The following PARP2 variants were observed in gnomAD, a reference collection of about 807,000 sequenced individuals.
PARP2 encodes the protein poly(ADP-ribose) polymerase 2.
PARP2 carries 57 observed loss-of-function variants against 77.8 expected under a neutral mutation model. The observed-to-expected ratio is 0.73, with a 90% CI of 0.59 to 0.91. The LOEUF (loss-of-function observed/expected upper bound fraction) is 0.91. PARP2 is among the 40% of genes least tolerant of loss of function. The pLI is 0.00. For missense variants in PARP2, 651 were observed against 689.0 expected (o/e 0.94, Z 0.62); for synonymous variants, 226 against 242.6 (o/e 0.93, Z 0.64).
chr14:20,355,725 C>A, intron 9 of PARP2, 27 bp from the exon 10 acceptor site: 1 of 1,590,008 alleles, frequency 6.3e-7, no homozygotes, highest in South Asian at 1.1e-5. Context: ...TCAGAAAGCT[C>A]ATTATGGGTT....
intron 4 of PARP2, among the ~76,000 whole-genome samples, chr14:20,347,346 A>ATGTGTGTGTGTG (rs200507197): frequency 1.6e-5 from 1 of 62,150 alleles, no homozygotes; most frequent in Non-Finnish European, 2.5e-5. Flanking sequence ...AGTCCTTCAT[A>ATGTGTGTGTGTG]TGTGTGTGTG....
intron 7 of PARP2, 107 bp downstream of exon 7, chr14:20,352,454 T>C: frequency 1.6e-6 from 1 of 638,718 alleles, no homozygotes; most frequent in Non-Finnish European, 2.7e-6. Context: ...CAATCATGGC[T>C]CACTGCAGCC....
intron 11 of PARP2, 51 bp from the exon 12 acceptor site, chr14:20,356,256 G>A: frequency 6.2e-7 from 1 of 1,600,094 alleles, no homozygotes; most frequent in Non-Finnish European, 8.5e-7. Flanking sequence ...CTTCAGTTCA[G>A]CTCAGTCTCT....
At chr14:20,346,701 A>C in intron 3 of PARP2, 162 bp from the exon 4 acceptor site, 1 of 582,596 alleles carries the variant, frequency 1.7e-6, no homozygotes, top group Non-Finnish European at 3.1e-6. Flanking sequence ...GGTTACACCC[A>C]GGTTACTGGT....
chr14:20,345,025 CG>C lies in PARP2; in HGVS notation c.141del (p.Lys49ArgfsTer22), dbSNP rs2138912716. The C allele has an allele frequency of 1.9e-6, 3 of 1,613,636 alleles. No individual in the cohort carries two copies. In the East Asian group the frequency reaches 6.7e-5, roughly 36 times the overall value. On this transcript the variant is annotated frameshift_variant, in exon 2 of 16. Coordinates refer to ENST00000429687, the MANE Select transcript of PARP2 (RefSeq NM_001042618.2). LOFTEE classifies it high-confidence loss of function. ...ACTCGTAGATGCCAGAGACAGGAGT[CG>C]AAAAAGATGCCTGTGGCTGGAGGAA... ...KKTRRCQRQESKKMPVAGGKA... is the reference protein window; with the variant it reads ...KKTRRCQRQEXKKMPVAGGKA...
chr14:20,343,855 G>A (rs1243933382), intron 1 of PARP2, among the ~76,000 whole-genome samples, 168 bp downstream of exon 1: 1 of 152,230 alleles, frequency 6.6e-6, no homozygotes, highest in Non-Finnish European at 1.5e-5. Context: ...GAGCTTTGGG[G>A]ATTACATAAT....
At chr14:20,356,985 G>T in intron 13 of PARP2, 66 bp from the exon 14 acceptor site, 1 of 971,148 alleles carries the variant, frequency 1.0e-6, no homozygotes, top group Admixed American at 1.7e-5. Flanking sequence ...CAGGGTCAGT[G>T]GTATGCACCT....
chr14:20,351,116 A>G lies in PARP2; in HGVS notation c.491A>G (p.Gln164Arg), dbSNP rs560095950. 20 of 1,611,926 alleles carry G rather than the reference A, an allele frequency of 1.2e-5. No individual in the cohort carries two copies. The East Asian group carries it at 4.5e-4, about 36-fold the overall frequency. ...GNLNKAKEIFQKKFLDKTKNN... is the reference protein window; with the variant it reads ...GNLNKAKEIFRKKFLDKTKNN... The stretch of plus-strand genomic sequence containing the variant: ...CTCAACAAGGCCAAGGAAATCTTTC[A>G]GAAGAAGTGAGTGCTGAAAAGTGAC... Residue 164 changes from glutamine (Q) to arginine (R), a missense_variant, in exon 6 of 16, where the codon CAG (glutamine) becomes CGG (arginine). Transcript: ENST00000429687.
Position 20,344,125 on chromosome 14 carries a change from G to C in PARP2, c.46+438G>C, listed in dbSNP as rs577087995. 2.3e-5 allele frequency: 4 copies of C among 171,756 alleles called. No individual in the cohort carries two copies. In the South Asian group the frequency reaches 6.0e-4, roughly 26 times the overall value. 10.6% of individuals were successfully genotyped at this position (171,756 alleles called of 1,614,324 possible). A position where few individuals can be genotyped will look rare whatever the true frequency, so the allele number is the denominator to read the frequency against. Reference sequence around the variant, plus strand: ...TGTGTATAATGTTCTTAAATGCATAGGTGCACCCTATAAATTAGGTTCTAT... The same window carrying C: ...TGTGTATAATGTTCTTAAATGCATACGTGCACCCTATAAATTAGGTTCTAT... On this transcript the variant is annotated intron_variant, in intron 1 of 15. Coordinates refer to ENST00000429687, the MANE Select transcript of PARP2 (RefSeq NM_001042618.2).
intron 4 of PARP2, among the ~76,000 whole-genome samples, chr14:20,349,020 CA>C (rs1309918145): frequency 2.0e-4 from 27 of 136,260 alleles, no homozygotes; most frequent in East Asian, 8.7e-4. Context: ...AACTCCTTCT[CA>C]AAAAAAAAAA....
chr14:20,357,663 C>T lies in PARP2; in HGVS notation c.1579C>T (p.Pro527Ser). Residue 527 changes from proline to serine, a missense_variant, in exon 16 of 16, where the codon CCA becomes TCA. Pro to Ser is a moderately conservative substitution (Grantham distance 74, BLOSUM62 -1). Transcript: ENST00000429687. ...GAATGGGAGTACAGTGCCATTAGGA[C>T]CAGCAAGTGACACAGGAATTCTGAA... Reference protein sequence around the residue: ...TLNGSTVPLGPASDTGILNPD... With the variant: ...TLNGSTVPLGSASDTGILNPD... 6.2e-7 allele frequency: 1 copy of T among 1,613,622 alleles called. No individual in the cohort carries two copies. Among genetic ancestry groups the T allele is most frequent in the Non-Finnish European group, 8.5e-7 (1 of 1,179,824 alleles).
At chr14:20,349,756 A>G (rs1883892336) in intron 4 of PARP2, among the ~76,000 whole-genome samples, 1 of 151,894 alleles carries the variant, frequency 6.6e-6, no homozygotes, top group African/African-American at 2.4e-5. Flanking sequence ...AGGTCGTACA[A>G]TGGCTTTAGA....
At position 20,346,871 on chromosome 14, in the gene PARP2, G is replaced by A. The variant is rs201492941; in HGVS notation, c.282G>A (p.Val94=). The part of the protein sequence containing the change: ...ECTAKVGKAH[V]YCEGNDVYDV... Reference sequence around the variant, plus strand: ...TCTCTCTCCCTTTCTAGGCTCATGTGTATTGTGAAGGAAATGATGTCTATG... The same window carrying A: ...TCTCTCTCCCTTTCTAGGCTCATGTATATTGTGAAGGAAATGATGTCTATG... The change falls in exon 4 of 16, where the codon GTG becomes GTA. Residue 94 remains valine (V), a synonymous_variant. Coordinates refer to ENST00000429687, the MANE Select transcript of PARP2 (RefSeq NM_001042618.2). The A allele has an allele frequency of 3.5e-5, 56 of 1,603,002 alleles. No homozygotes were observed. The East Asian group carries it at 4.0e-4, about 12-fold the overall frequency.
At chr14:20,347,873 T>C (rs8010392) in intron 4 of PARP2, among the ~76,000 whole-genome samples, 6,349 of 98,588 alleles carry the variant, frequency 0.064, 185 homozygotes, top group Middle Eastern at 0.14. Flanking sequence ...TTTTGCACAT[T>C]TTTTTTTTTT....
At chr14:20,355,470 A>T in intron 9 of PARP2, 1 of 244,148 alleles carries the variant, frequency 4.1e-6, no homozygotes, top group Non-Finnish European at 7.8e-6. Context: ...TTCCCTGTTG[A>T]TATCAATATA....
chr14:20,352,558 C>CTTTTT, intron 7 of PARP2: 2 of 214,136 alleles, frequency 9.3e-6, no homozygotes, highest in African/African-American at 6.1e-5. Flanking sequence ...GATTTTTTTT[C>CTTTTT]TTTTTTTTTT....
intron 3 of PARP2, chr14:20,346,640 A>G: frequency 2.2e-6 from 1 of 444,814 alleles, no homozygotes; most frequent in Non-Finnish European, 4.1e-6. Context: ...AGCCTAACTC[A>G]GAATCTTTTG....
intron 8 of PARP2, 125 bp from the exon 9 acceptor site, chr14:20,354,684 G>A: frequency 2.2e-6 from 2 of 919,024 alleles, no homozygotes; most frequent in Non-Finnish European, 3.3e-6. Context: ...ACAGGAGTGA[G>A]ACCCCATCTT....
At chr14:20,353,382 AGGC>A (rs1177475259) in intron 7 of PARP2, among the ~76,000 whole-genome samples, 7 of 151,846 alleles carry the variant, frequency 4.6e-5, no homozygotes, top group Non-Finnish European at 8.8e-5. Context: ...CTGGGACTAC[AGGC>A]GCCCGCCACC....
Sources: gnomAD v4.1 joint callset for allele counts (sites outside exome capture counted in the v4.1 genomes callset) on GRCh38, gnomAD v4.1.1 for gene constraint, MANE v1.5 for transcripts, NCBI Gene and HGNC (gene_info 2026-07-23, HGNC 2026-07-21) for gene names.